THEMIS: variants seen among roughly 807,000 people sequenced by gnomAD.
THEMIS encodes the protein thymocyte selection associated.
A neutral mutation model predicts 52.6 loss-of-function variants in THEMIS; 37 were observed. That is an observed-to-expected ratio of 0.70 (90% confidence interval 0.54 to 0.93). The LOEUF is 0.93. Among genes scored for constraint, THEMIS ranks in the 40% least tolerant of loss-of-function variants. The pLI is 0.00. For missense variants in THEMIS, 808 were observed against 763.1 expected (o/e 1.06, Z -0.69); for synonymous variants, 292 against 272.7 (o/e 1.07, Z -0.70).
intron 1 of THEMIS, among the ~76,000 whole-genome samples, chr6:127,914,464 TAG>T (rs1781477096): frequency 1.3e-5 from 2 of 152,204 alleles, no homozygotes; most frequent in South Asian, 2.1e-4. Flanking sequence ...GCGTTAATCA[TAG>T]AGTGTGCTTA....
chr6:127,783,713 G>A (rs935047201), intron 4 of THEMIS, among the ~76,000 whole-genome samples: 2 of 152,110 alleles, frequency 1.3e-5, no homozygotes, highest in African/African-American at 2.4e-5. Context: ...TTAGAATGGC[G>A]ATCATTAAAA....
At chr6:127,864,454 T>C (rs1281999086) in intron 1 of THEMIS, among the ~76,000 whole-genome samples, 1 of 152,088 alleles carries the variant, frequency 6.6e-6, no homozygotes, top group Non-Finnish European at 1.5e-5. Context: ...TGAAAGGGAA[T>C]AAAATAATCT....
intron 4 of THEMIS, among the ~76,000 whole-genome samples, chr6:127,788,796 A>T (rs1394216009): frequency 6.6e-6 from 1 of 152,224 alleles, no homozygotes; most frequent in Non-Finnish European, 1.5e-5. Flanking sequence ...CTCCAGGAAG[A>T]CAAAATATTA....
At chr6:127,867,019 A>C (rs1780003014) in intron 1 of THEMIS, among the ~76,000 whole-genome samples, 1 of 151,432 alleles carries the variant, frequency 6.6e-6, no homozygotes, top group African/African-American at 2.4e-5. Flanking sequence ...GAAAGAAAAA[A>C]GTTTTCTGTG....
intron 4 of THEMIS, among the ~76,000 whole-genome samples, chr6:127,739,777 C>A (rs1775134294): frequency 6.6e-6 from 1 of 152,160 alleles, no homozygotes. Context: ...TGTACCGTAA[C>A]AAATCGTGGC....
At chr6:127,868,547 C>T in intron 1 of THEMIS, 1 of 868,052 alleles carries the variant, frequency 1.2e-6, no homozygotes. Context: ...TTTCTCATTG[C>T]TTAAAGTGAC....
At chr6:127,850,036 A>C (rs1283890367) in intron 2 of THEMIS, among the ~76,000 whole-genome samples, 1 of 151,994 alleles carries the variant, frequency 6.6e-6, no homozygotes, top group Non-Finnish European at 1.5e-5. Context: ...CAAACAAATA[A>C]GCAAGAAGAA....
At chr6:127,904,291 T>C (rs1251900749), upstream of THEMIS, among the ~76,000 whole-genome samples, 1 of 151,992 alleles carries the variant, frequency 6.6e-6, no homozygotes, top group Non-Finnish European at 1.5e-5. Context: ...GCATGGTTGG[T>C]AGGAAGCTGA....
intron 4 of THEMIS, among the ~76,000 whole-genome samples, chr6:127,740,496 T>C (rs923158010): frequency 6.6e-6 from 1 of 152,188 alleles, no homozygotes; most frequent in African/African-American, 2.4e-5. Flanking sequence ...AACTGCATAG[T>C]CAGTCCAACT....
intron 4 of THEMIS, among the ~76,000 whole-genome samples, chr6:127,746,345 G>A (rs991338178): frequency 6.6e-6 from 1 of 151,710 alleles, no homozygotes; most frequent in African/African-American, 2.4e-5. Flanking sequence ...TAAGGAGGAA[G>A]CAAAGAACAA....
intron 4 of THEMIS, among the ~76,000 whole-genome samples, chr6:127,746,629 G>A (rs1372569317): frequency 7.2e-6 from 1 of 139,712 alleles, no homozygotes; most frequent in African/African-American, 2.7e-5. Flanking sequence ...AATTAGATTA[G>A]AAACAATAAA....
chr6:127,788,860 T>C (rs574327526), intron 4 of THEMIS, among the ~76,000 whole-genome samples: 14 of 152,102 alleles, frequency 9.2e-5, no homozygotes, highest in Non-Finnish European at 1.9e-4. Flanking sequence ...TACCATAATC[T>C]CTGGGACACA....
chr6:127,815,591 A>G (rs966874284), intron 3 of THEMIS, among the ~76,000 whole-genome samples: 5 of 152,098 alleles, frequency 3.3e-5, no homozygotes, highest in East Asian at 1.9e-4. Flanking sequence ...TAATTTTTAG[A>G]AAAAAAAGGA....
rs766864525 is a variant in THEMIS, at chr6:127,813,513, AG to A, written c.1127del (p.Pro376LeufsTer29). On this transcript the variant is annotated frameshift_variant, in exon 4 of 6. Coordinates refer to ENST00000368248, the MANE Select transcript of THEMIS (RefSeq NM_001010923.3). LOFTEE classifies it high-confidence loss of function. ...HVVATKAFHS[P>X]HDKLSSVSVG... ...CAGATACGGATGACAGCTTGTCATG[AG>A]GGGAATGAAACGCTTTGGTGGCCAC... 8 of 1,613,780 alleles carry A rather than the reference AG, an allele frequency of 5.0e-6. No homozygotes were observed. The highest frequency in any genetic ancestry group is 6.8e-6 in the Non-Finnish European group (8 of 1,179,900).
chr6:127,762,298 G>C (rs908715155), intron 4 of THEMIS, among the ~76,000 whole-genome samples: 5 of 151,994 alleles, frequency 3.3e-5, no homozygotes, highest in African/African-American at 1.2e-4. Flanking sequence ...CAAGGAAGAT[G>C]AATAAGCTCT....
At chr6:127,783,380 T>C (rs564504913) in intron 4 of THEMIS, among the ~76,000 whole-genome samples, 3 of 152,140 alleles carry the variant, frequency 2.0e-5, no homozygotes, top group Admixed American at 6.5e-5. Flanking sequence ...AAAGCCAAAA[T>C]TGACAAATGG....
chr6:127,703,039 T>TTTTTTTTG, the THEMIS span, among the ~76,000 whole-genome samples: 1 of 96,226 alleles, frequency 1.0e-5, no homozygotes, highest in Non-Finnish European at 2.1e-5. Context: ...GAATGAGTTT[T>TTTTTTTTG]TTTTTTTTTT....
intron 4 of THEMIS, among the ~76,000 whole-genome samples, chr6:127,771,974 CTG>C: frequency 6.6e-6 from 1 of 152,204 alleles, no homozygotes; most frequent in East Asian, 1.9e-4. Flanking sequence ...AAATGGAAGA[CTG>C]TAGTTTGTTT....
chr6:127,843,140 T>C (rs938501080), intron 2 of THEMIS, among the ~76,000 whole-genome samples: 11 of 152,066 alleles, frequency 7.2e-5, no homozygotes, highest in Non-Finnish European at 1.5e-4. Context: ...TTTTCTAACA[T>C]TCATCTAAAA....
Sources: allele counts gnomAD v4.1 joint callset (sites outside exome capture counted in the v4.1 genomes callset), GRCh38; gene constraint gnomAD v4.1.1; transcripts MANE v1.5; gene names NCBI Gene and HGNC (gene_info 2026-07-23, HGNC 2026-07-21).